NPR3: variants seen among roughly 807,000 people sequenced by gnomAD.
NPR3 encodes natriuretic peptide receptor 3.
Under a neutral mutation model 54.5 loss-of-function variants are expected in NPR3, and 34 were observed. The ratio of observed to expected loss-of-function variants is 0.62; its 90% CI spans 0.47 to 0.83. The LOEUF is 0.83. NPR3 is among the 40% of genes least tolerant of loss of function. NPR3 has a pLI of 0.00. For synonymous variants in NPR3, 289 were observed against 297.1 expected (o/e 0.97, Z 0.28); for missense variants, 674 against 720.8 (o/e 0.94, Z 0.74).
intron 6 of NPR3, among the ~76,000 whole-genome samples, chr5:32,783,960 A>G (rs1742474746): frequency 2.0e-5 from 3 of 152,236 alleles, no homozygotes; most frequent in Admixed American, 2.0e-4. Context: ...TCACTTTTAT[A>G]TAACTGGGAT....
At chr5:32,724,374 C>T (rs963591963) in intron 1 of NPR3, among the ~76,000 whole-genome samples, 1 of 152,158 alleles carries the variant, frequency 6.6e-6, no homozygotes, top group African/African-American at 2.4e-5. Context: ...TTTCTACAGA[C>T]CATCCCCCAA....
At chr5:32,785,243 C>T (rs1373680189) in intron 7 of NPR3, among the ~76,000 whole-genome samples, 1 of 149,286 alleles carries the variant, frequency 6.7e-6, no homozygotes, top group Non-Finnish European at 1.5e-5. Context: ...ACCTCCACCT[C>T]CTGGGTTCAA....
intron 1 of NPR3, among the ~76,000 whole-genome samples, chr5:32,695,247 G>A (rs1038765707): frequency 1.3e-5 from 2 of 152,062 alleles, no homozygotes; most frequent in African/African-American, 4.8e-5. Flanking sequence ...TGGATTTTAC[G>A]GTAGCTCTAT....
At chr5:32,732,687 G>A (rs996758834) in intron 2 of NPR3, among the ~76,000 whole-genome samples, 1 of 152,092 alleles carries the variant, frequency 6.6e-6, no homozygotes, top group Non-Finnish European at 1.5e-5. Context: ...AGTAGTAAAG[G>A]GCCTTGTTTG....
At chr5:32,751,430 A>C (rs910699890) in intron 3 of NPR3, among the ~76,000 whole-genome samples, 1 of 152,168 alleles carries the variant, frequency 6.6e-6, no homozygotes, top group Non-Finnish European at 1.5e-5. Context: ...GTGCCAAAGG[A>C]GGGAAGGCAG....
intron 1 of NPR3, among the ~76,000 whole-genome samples, chr5:32,694,765 C>T (rs955398489): frequency 6.6e-6 from 1 of 152,122 alleles, no homozygotes; most frequent in African/African-American, 2.4e-5. Flanking sequence ...ACTGTAGCCA[C>T]CCTGTGGTGC....
chr5:32,711,547 ACTTTTTCTTTTT>A lies in NPR3; in HGVS notation c.-217_-206del. ...AGACGCACAGGTTTACACCCGGTGA[ACTTTTTCTTTTT>A]CTTTTTCTTTTTTTTTTAAGAAAAA... is the stretch of plus-strand genomic sequence containing the variant. On this transcript the variant is annotated 5_prime_UTR_variant, in exon 1 of 8. Coordinates refer to ENST00000265074, the MANE Select transcript of NPR3 (RefSeq NM_001204375.2). The A allele has an allele frequency of 1.0e-6, 1 of 966,020 alleles. No homozygotes were observed. Among genetic ancestry groups the A allele is most frequent in the Non-Finnish European group, 1.3e-6 (1 of 766,770 alleles). 59.8% of individuals were successfully genotyped at this position (966,020 alleles called of 1,614,324 possible). A position where few individuals can be genotyped will look rare whatever the true frequency, so the allele number is the denominator to read the frequency against.
chr5:32,772,454 C>CT (rs1231243219), intron 3 of NPR3, among the ~76,000 whole-genome samples: 1 of 152,214 alleles, frequency 6.6e-6, no homozygotes, highest in African/African-American at 2.4e-5. Context: ...CCCTCCACCT[C>CT]TTGCAGAGGG....
chr5:32,748,163 A>G (rs1740397478), intron 3 of NPR3, among the ~76,000 whole-genome samples: 1 of 152,152 alleles, frequency 6.6e-6, no homozygotes, highest in Non-Finnish European at 1.5e-5. Flanking sequence ...TTTCCTCAAA[A>G]TTTTGATGCT....
At chr5:32,767,269 C>G (rs1352121373) in intron 3 of NPR3, among the ~76,000 whole-genome samples, 1 of 152,210 alleles carries the variant, frequency 6.6e-6, no homozygotes, top group Non-Finnish European at 1.5e-5. Flanking sequence ...CTCTTAAAAA[C>G]TTGCCCACTC....
At chr5:32,749,996 T>G (rs1359464638) in intron 3 of NPR3, among the ~76,000 whole-genome samples, 1 of 152,196 alleles carries the variant, frequency 6.6e-6, no homozygotes. Flanking sequence ...ATCCCCCACC[T>G]CCAGAGGTGA....
chr5:32,732,508 A>G (rs1450132755), intron 2 of NPR3, among the ~76,000 whole-genome samples: 3 of 152,268 alleles, frequency 2.0e-5, no homozygotes, highest in African/African-American at 7.2e-5. Flanking sequence ...ACTCACTGCT[A>G]TCCTACATCA....
At position 32,700,233 on chromosome 5, in the gene NPR3, C is replaced by A. The variant is rs1579569222; in HGVS notation, c.100+11047C>A. On this transcript the variant is annotated intron_variant, in intron 1 of 5. Transcript: ENST00000509104. ...CTTTCTTGTACTTGAATATTGATAT[C>A]TTTTTCTAGGTTTGGAAAGTTCTCT... is the stretch of plus-strand genomic sequence containing the variant. Among the ~76,000 whole-genome samples the A allele has an allele frequency of 2.0e-5, 3 of 152,100 alleles. No individual in the cohort carries two copies. The East Asian group carries it at 5.8e-4, about 29-fold the overall frequency.
chr5:32,758,871 C>G (rs964920788), intron 3 of NPR3, among the ~76,000 whole-genome samples: 1 of 152,188 alleles, frequency 6.6e-6, no homozygotes, highest in Admixed American at 6.5e-5. Context: ...ACCCAGTAGT[C>G]ATTCAGGAGC....
chr5:32,738,691 T>C (rs1204234868), intron 2 of NPR3, among the ~76,000 whole-genome samples, 173 bp from the exon 3 acceptor site: 1 of 152,182 alleles, frequency 6.6e-6, no homozygotes, highest in Non-Finnish European at 1.5e-5. Flanking sequence ...AGGGCCTTCT[T>C]CTCCTTTAAT....
Position 32,711,907 on chromosome 5 carries a change from A to G in NPR3, c.131A>G (p.Glu44Gly), listed in dbSNP as rs1276770687. The G allele has an allele frequency of 6.0e-6, 9 of 1,490,314 alleles. No homozygotes were observed. Among genetic ancestry groups the G allele is most frequent in the African/African-American group, 5.6e-5 (4 of 70,804 alleles). 92.3% of individuals were successfully genotyped at this position (1,490,314 alleles called of 1,614,324 possible). A position where few individuals can be genotyped will look rare whatever the true frequency, so the allele number is the denominator to read the frequency against. The change falls in exon 1 of 8, where the codon GAG (glutamate) becomes GGG (glycine). Residue 44 changes from glutamate (E) to glycine (G), a missense_variant. Glu to Gly is a moderately conservative substitution (Grantham distance 98, BLOSUM62 -2). Coordinates refer to ENST00000265074, the MANE Select transcript of NPR3 (RefSeq NM_001204375.2). ...GCGGGCATAGGCGGCGGACGCCAGG[A>G]GAGAGAGGCGCTGCCGCCACAGAAG... is the stretch of plus-strand genomic sequence containing the variant. ...GGAGIGGGRQ[E>G]REALPPQKIE...
At chr5:32,714,214 G>T (rs1738423561) in intron 1 of NPR3, among the ~76,000 whole-genome samples, 2 of 152,278 alleles carry the variant, frequency 1.3e-5, no homozygotes, top group African/African-American at 4.8e-5. Context: ...GCGGTTTGCT[G>T]ACTCGTCCGT....
intron 3 of NPR3, among the ~76,000 whole-genome samples, chr5:32,759,623 A>T (rs1434466786): frequency 1.3e-5 from 2 of 152,140 alleles, no homozygotes; most frequent in Non-Finnish European, 2.9e-5. Context: ...TAGTATAGTT[A>T]TGTGTGAATT....
chr5:32,721,413 G>A (rs1299458654), intron 1 of NPR3, among the ~76,000 whole-genome samples: 2 of 152,202 alleles, frequency 1.3e-5, no homozygotes, highest in African/African-American at 2.4e-5. Flanking sequence ...TGTAATCTCA[G>A]CACTTTGGGA....
Sources: allele counts gnomAD v4.1 joint callset (sites outside exome capture counted in the v4.1 genomes callset), GRCh38; gene constraint gnomAD v4.1.1; transcripts MANE v1.5; gene names NCBI Gene and HGNC (gene_info 2026-07-23, HGNC 2026-07-21).